Variants in PEAK1 observed in about 807,000 individuals in gnomAD.
PEAK1 encodes the protein inactive tyrosine-protein kinase PEAK1.
Under a neutral mutation model 124.7 loss-of-function variants are expected in PEAK1, and 54 were observed. The ratio of observed to expected loss-of-function variants is 0.43; its 90% CI spans 0.35 to 0.54. The LOEUF (loss-of-function observed/expected upper bound fraction) is 0.54. PEAK1 is among the 20% of genes least tolerant of loss of function. The pLI is 0.01. For missense variants in PEAK1, 2,046 were observed against 2,134.5 expected, an observed-to-expected ratio of 0.96 and a Z score of 0.82; for synonymous variants, 719 against 760.0, an observed-to-expected ratio of 0.95 and a Z score of 0.89.
intron 8 of PEAK1, among the ~76,000 whole-genome samples, chr15:77,144,602 T>G (rs1296156932): frequency 6.6e-6 from 1 of 152,164 alleles, no homozygotes; most frequent in Non-Finnish European, 1.5e-5. Context: ...ACAGCCAAGG[T>G]AGCAAGGAAA....
chr15:77,376,093 AC>A (rs2069005815), intron 1 of PEAK1, among the ~76,000 whole-genome samples: 1 of 151,548 alleles, frequency 6.6e-6, no homozygotes, highest in Admixed American at 6.6e-5. Flanking sequence ...ATTTTAAAAA[AC>A]CTTTCTCCAA....
At chr15:77,260,304 A>C (rs1185164493) in intron 5 of PEAK1, among the ~76,000 whole-genome samples, 1 of 152,220 alleles carries the variant, frequency 6.6e-6, no homozygotes, top group Non-Finnish European at 1.5e-5. Context: ...ACATTCTTTA[A>C]AGATATAAAA....
chr15:77,264,890 C>T (rs1251663473), intron 5 of PEAK1, among the ~76,000 whole-genome samples: 6 of 152,024 alleles, frequency 3.9e-5, no homozygotes, highest in Admixed American at 1.3e-4. Context: ...CAGCATGGTA[C>T]TGGTACCAAA....
At chr15:77,297,167 T>C (rs1269062759) in intron 2 of PEAK1, among the ~76,000 whole-genome samples, 1 of 151,870 alleles carries the variant, frequency 6.6e-6, no homozygotes, top group African/African-American at 2.4e-5. Flanking sequence ...GAATGTGAAA[T>C]GCTCCCTGAA....
At chr15:77,107,829 A>T (rs184921114), downstream of PEAK1, 22 of 152,380 alleles carry the variant, frequency 1.4e-4, no homozygotes, top group Admixed American at 7.8e-4. Flanking sequence ...TGCAGTACAA[A>T]CCCAGGAAGC....
chr15:77,223,498 A>C (rs2059482630), intron 6 of PEAK1, among the ~76,000 whole-genome samples: 1 of 152,046 alleles, frequency 6.6e-6, no homozygotes, highest in Admixed American at 6.6e-5. Context: ...AGCAATCTGG[A>C]TATTACCCCA....
intron 5 of PEAK1, among the ~76,000 whole-genome samples, chr15:77,277,786 T>C (rs559860540): frequency 2.0e-5 from 3 of 152,270 alleles, no homozygotes; most frequent in East Asian, 3.9e-4. Flanking sequence ...TCCAACTATA[T>C]GACATTCTGA....
At chr15:77,350,610 T>TA (rs35739571) in intron 2 of PEAK1, 128,838 of 866,262 alleles carry the variant, frequency 0.15, 549 homozygotes, top group Non-Finnish European at 0.16. Flanking sequence ...GAGATTCAAG[T>TA]AAAAAAAAAA....
chr15:77,188,948 C>T (rs1477841511), intron 6 of PEAK1, among the ~76,000 whole-genome samples: 2 of 152,148 alleles, frequency 1.3e-5, no homozygotes, highest in Non-Finnish European at 2.9e-5. Context: ...GTAATCCCAA[C>T]ACTACATTTT....
chr15:77,255,685 G>A (rs2061092748), intron 5 of PEAK1: 1 of 152,054 alleles, frequency 6.6e-6, no homozygotes, highest in Admixed American at 6.6e-5. Flanking sequence ...TAAGGAGGAA[G>A]GAAAGAAAAT....
chr15:77,354,971 G>A (rs901002165), intron 2 of PEAK1, among the ~76,000 whole-genome samples: 10 of 151,922 alleles, frequency 6.6e-5, no homozygotes, highest in South Asian at 6.2e-4. Flanking sequence ...CCTGGGAGGC[G>A]GAGCTTGCAG....
chr15:77,195,283 A>G (rs1015012522), intron 6 of PEAK1, among the ~76,000 whole-genome samples: 4 of 152,154 alleles, frequency 2.6e-5, no homozygotes, highest in Non-Finnish European at 4.4e-5. Flanking sequence ...CTTTCAAAGG[A>G]ACATAGAGAA....
chr15:77,379,406 T>A (rs2069294649), intron 1 of PEAK1, among the ~76,000 whole-genome samples: 1 of 152,152 alleles, frequency 6.6e-6, no homozygotes, highest in Non-Finnish European at 1.5e-5. Context: ...AGAAACTATC[T>A]AGAAATATAT....
At chr15:77,176,021 C>T (rs2056842249) in intron 7 of PEAK1, among the ~76,000 whole-genome samples, 1 of 151,518 alleles carries the variant, frequency 6.6e-6, no homozygotes, top group Non-Finnish European at 1.5e-5. Flanking sequence ...CCAAACACTG[C>T]ATGTTCTACT....
rs1053903294 is a variant in PEAK1 at position 77,252,536 on chromosome 15, A to G, written c.-274-10T>C. ...AAGATAGCAATGTTTACTGCAAGAG[A>G]AAAAAAATAGAGCAAAACTGGAGAG... On this transcript the variant is annotated splice_polypyrimidine_tract_variant and intron_variant, in intron 5 of 9. Coordinates refer to ENST00000682557, the MANE Select transcript of PEAK1 (RefSeq NM_001385026.1). 17 of 977,486 alleles carry G rather than the reference A, an allele frequency of 1.7e-5. No individual in the cohort carries two copies. The highest frequency in any genetic ancestry group is 2.1e-5 in the Non-Finnish European group (17 of 822,870). 60.6% of individuals were successfully genotyped at this position (977,486 alleles called of 1,614,324 possible). A position where few individuals can be genotyped will look rare whatever the true frequency, so the allele number is the denominator to read the frequency against.
At chr15:77,127,684 A>G (rs2052499659) in intron 9 of PEAK1, among the ~76,000 whole-genome samples, 1 of 152,212 alleles carries the variant, frequency 6.6e-6, no homozygotes, top group African/African-American at 2.4e-5. Flanking sequence ...CTGACTGCTT[A>G]TAATAAAATG....
intron 8 of PEAK1, among the ~76,000 whole-genome samples, chr15:77,153,814 C>T (rs2054877314): frequency 2.0e-5 from 3 of 152,138 alleles, no homozygotes; most frequent in Admixed American, 2.0e-4. Flanking sequence ...TTTCTTAATC[C>T]TGAGTTCTAG....
At chr15:77,199,764 T>G (rs1316154691) in intron 6 of PEAK1, among the ~76,000 whole-genome samples, 1 of 152,098 alleles carries the variant, frequency 6.6e-6, no homozygotes, top group East Asian at 1.9e-4. Flanking sequence ...GAAGATGACT[T>G]GATGGAGATG....
At chr15:77,135,797 C>G (rs2053272531) in intron 8 of PEAK1, among the ~76,000 whole-genome samples, 1 of 152,218 alleles carries the variant, frequency 6.6e-6, no homozygotes, top group South Asian at 2.1e-4. Context: ...CCTCCTTGCT[C>G]TCTGCCATGA....
Sources: allele counts gnomAD v4.1 joint callset (sites outside exome capture counted in the v4.1 genomes callset), GRCh38; gene constraint gnomAD v4.1.1; transcripts MANE v1.5; gene names NCBI Gene and HGNC (gene_info 2026-07-23, HGNC 2026-07-21).